Variants in PFKFB3 observed in about 807,000 individuals in gnomAD.
PFKFB3 encodes 6-phosphofructo-2-kinase/fructose-2,6-bisphosphatase 3.
In PFKFB3, 33 loss-of-function variants were observed where a neutral mutation model predicts 68.0. The observed-to-expected ratio is 0.49, with a 90% CI of 0.37 to 0.65. PFKFB3 has a LOEUF of 0.65. Among genes scored for constraint, PFKFB3 ranks in the 30% least tolerant of loss-of-function variants. The probability of loss-of-function intolerance (pLI) is 0.00; values close to 1 mark genes in which losing one functional copy is unlikely to be tolerated. For synonymous variants in PFKFB3, 315 were observed against 288.2 expected (o/e 1.09, Z -0.94); for missense variants, 586 against 712.2 (o/e 0.82, Z 2.02).
chr10:6,189,288 C>T (rs1842964014), intron 1 of PFKFB3, among the ~76,000 whole-genome samples: 2 of 152,214 alleles, frequency 1.3e-5, no homozygotes, highest in Admixed American at 6.5e-5. Context: ...CGTATCTCTT[C>T]CAGAGTCAGG....
chr10:6,188,936 G>A (rs1449255371), intron 1 of PFKFB3, among the ~76,000 whole-genome samples: 3 of 148,160 alleles, frequency 2.0e-5, no homozygotes, highest in South Asian at 2.1e-4. Flanking sequence ...CCAGGTTCAC[G>A]CCATTCTCCT....
intron 14 of PFKFB3, among the ~76,000 whole-genome samples, chr10:6,249,052 T>C (rs2132080096): frequency 6.6e-6 from 1 of 152,150 alleles, no homozygotes; most frequent in Non-Finnish European, 1.5e-5. Flanking sequence ...CACATGCCTG[T>C]CATCCTAGCT....
In PFKFB3 at chr10:6,220,736, C is replaced by T. The variant is rs541321493; in HGVS notation, c.702C>T (p.Arg234=). The T allele has an allele frequency of 5.6e-6, 9 of 1,614,110 alleles. No homozygotes were observed. The East Asian group carries it at 8.9e-5, about 16-fold the overall frequency. ...GGGTGCAGGACCACATCCAGAGCCG[C>T]ATCGTGTACTACCTGATGAACATCC... ...VNRVQDHIQS[R]IVYYLMNIHV... Residue 234 remains arginine, a synonymous_variant, in exon 8 of 15, where the codon CGC becomes CGT. Coordinates refer to ENST00000379775, the MANE Select transcript of PFKFB3 (RefSeq NM_004566.4). This position sits in a 1 kb window ranked among gnomAD's most constrained non-coding sequence, Gnocchi z 4.1.
chr10:6,209,101 G>A (rs1040293078), intron 1 of PFKFB3, among the ~76,000 whole-genome samples: 39 of 152,230 alleles, frequency 2.6e-4, no homozygotes, highest in African/African-American at 8.9e-4. Context: ...GAGCGAGCGT[G>A]TCATGAACGT....
At chr10:6,196,854 C>G (rs1207316713) in intron 1 of PFKFB3, among the ~76,000 whole-genome samples, 1 of 152,084 alleles carries the variant, frequency 6.6e-6, no homozygotes, top group African/African-American at 2.4e-5. Context: ...GTTGCCCAGG[C>G]TGGTCTCAAA....
chr10:6,216,128 A>C lies in PFKFB3; in HGVS notation c.303A>C (p.Gln101His), dbSNP rs1844563894. ...DNEEAMKVRK[Q>H]CALAALRDVK... is the part of the protein sequence containing the mutation. Reference sequence around the variant, plus strand: ...GGCAATGTCTTGTGCATTCCAGGCAATGTGCCTTAGCTGCCTTGAGAGATG... The same window carrying C: ...GGCAATGTCTTGTGCATTCCAGGCACTGTGCCTTAGCTGCCTTGAGAGATG... The change falls in exon 4 of 15, where the codon CAA (glutamine) becomes CAC (histidine). Residue 101 changes from glutamine to histidine, a missense_variant. Gln to His is a conservative substitution (Grantham distance 24). Transcript: ENST00000379775. The C allele has an allele frequency of 1.9e-6, 3 of 1,613,978 alleles. No homozygotes were observed. Among genetic ancestry groups the C allele is most frequent in the African/African-American group, 1.3e-5 (1 of 74,922 alleles).
At chr10:6,251,882 CA>C (rs1846389430) in intron 14 of PFKFB3, among the ~76,000 whole-genome samples, 2 of 152,146 alleles carry the variant, frequency 1.3e-5, no homozygotes, top group Admixed American at 1.3e-4. Context: ...CCAGGAGAAT[CA>C]CTTGAACCCG....
intron 1 of PFKFB3, among the ~76,000 whole-genome samples, chr10:6,211,322 C>T (rs1279403584): frequency 6.6e-6 from 1 of 152,194 alleles, no homozygotes; most frequent in Non-Finnish European, 1.5e-5. Flanking sequence ...CCTCTGCTTC[C>T]TTGGCGTGGT....
chr10:6,151,639 G>C lies in PFKFB3; in HGVS notation c.16+6626G>C, dbSNP rs556469220. On this transcript the variant is annotated intron_variant, in intron 1 of 14. Coordinates refer to the PFKFB3 transcript ENST00000379789. ...GTCCTCTCCTGAGGCTGCTGAAGTC[G>C]TCCCAGAGGCTTGTCCAGCCACAGC... 1.4e-3 allele frequency among the ~76,000 whole-genome samples: 214 copies of C among 152,272 alleles called. 1 individual carries two copies. Among genetic ancestry groups the C allele is most frequent in the African/African-American group, 4.7e-3 (196 of 41,548 alleles).
intron 1 of PFKFB3, chr10:6,149,844 C>T (rs1841520467): frequency 6.5e-6 from 1 of 152,682 alleles, no homozygotes; most frequent in African/African-American, 2.4e-5. Context: ...CTGCTAGAAC[C>T]TCCAAACAAG....
intron 1 of PFKFB3, among the ~76,000 whole-genome samples, chr10:6,212,656 T>C (rs1844306107): frequency 6.6e-6 from 1 of 152,200 alleles, no homozygotes. Flanking sequence ...TCTTTTCTTC[T>C]AATTATTTTT....
chr10:6,146,565 A>G (rs745806276), intron 1 of PFKFB3: 2 of 1,385,256 alleles, frequency 1.4e-6, no homozygotes, highest in African/African-American at 1.4e-5. Context: ...CCCCCTACTC[A>G]TTAACTGCAG....
the PFKFB3 span, among the ~76,000 whole-genome samples, chr10:6,297,864 C>T: frequency 6.6e-6 from 1 of 152,166 alleles, no homozygotes; most frequent in Non-Finnish European, 1.5e-5. Flanking sequence ...TCTTGTATAA[C>T]ACCTTGGCTT....
chr10:6,213,052 C>T (rs1844333775), intron 1 of PFKFB3, among the ~76,000 whole-genome samples: 1 of 152,174 alleles, frequency 6.6e-6, no homozygotes, highest in Admixed American at 6.5e-5. Flanking sequence ...GTGTCAGTCA[C>T]TGGTTCCCTG....
chr10:6,170,603 T>A (rs2131741996), intron 1 of PFKFB3, among the ~76,000 whole-genome samples: 1 of 152,192 alleles, frequency 6.6e-6, no homozygotes, highest in Non-Finnish European at 1.5e-5. Flanking sequence ...ATCCATGGGG[T>A]CATTGAGGTG....
At chr10:6,147,134 G>A (rs1841416226) in intron 1 of PFKFB3, among the ~76,000 whole-genome samples, 2 of 152,140 alleles carry the variant, frequency 1.3e-5, no homozygotes, top group Non-Finnish European at 2.9e-5. Flanking sequence ...GCTGAGCCGT[G>A]GTCTGAAGCT....
At chr10:6,230,031 A>G (rs1389447084) in intron 14 of PFKFB3, among the ~76,000 whole-genome samples, 4 of 152,134 alleles carry the variant, frequency 2.6e-5, no homozygotes, top group African/African-American at 9.7e-5. Flanking sequence ...TGCGTTAGAC[A>G]CGTGGCCTCA....
In PFKFB3 at chr10:6,231,591, G is replaced by A. The variant is rs908252959; in HGVS notation, c.1516-1304G>A. On this transcript the variant is annotated intron_variant, in intron 14 of 14. Coordinates refer to ENST00000379775, the MANE Select transcript of PFKFB3 (RefSeq NM_004566.4). Reference sequence around the variant, plus strand: ...CACCTGTGGGTGCCGGAAGCTGTGGGCTGGTGGTGTTGAGGACAGGTTGGA... The same window carrying A: ...CACCTGTGGGTGCCGGAAGCTGTGGACTGGTGGTGTTGAGGACAGGTTGGA... The A allele has an allele frequency of 1.4e-5, 14 of 985,280 alleles. No homozygotes were observed. The South Asian group carries it at 6.6e-4, about 46-fold the overall frequency. 61.0% of individuals were successfully genotyped at this position (985,280 alleles called of 1,614,324 possible).
the PFKFB3 span, among the ~76,000 whole-genome samples, chr10:6,321,682 T>C: frequency 6.6e-6 from 1 of 152,188 alleles, no homozygotes; most frequent in Non-Finnish European, 1.5e-5. Flanking sequence ...CACCCAACCC[T>C]GGTTGAACCC....
Sources: gnomAD v4.1 joint callset for allele counts (sites outside exome capture counted in the v4.1 genomes callset) on GRCh38, gnomAD v4.1.1 for gene constraint, Gnocchi (gnomAD v3.1) non-coding constraint, MANE v1.5 for transcripts, NCBI Gene and HGNC (gene_info 2026-07-23, HGNC 2026-07-21) for gene names.